The following CRMP1 variants were observed in gnomAD, a reference collection of about 807,000 sequenced individuals.
CRMP1 encodes dihydropyrimidinase-related protein 1.
In CRMP1, 19 loss-of-function variants were observed where a neutral mutation model predicts 68.3. That is an observed-to-expected ratio of 0.28 (90% CI 0.19 to 0.41). The LOEUF is 0.41. CRMP1 is among the 10% of genes least tolerant of loss of function. The pLI is 1.00. For missense variants in CRMP1, 791 were observed against 967.4 expected (o/e 0.82, Z 2.42); for synonymous variants, 439 against 399.6 (o/e 1.10, Z -1.18).
At chr4:5,824,955 A>G in intron 13 of CRMP1, 1 of 985,432 alleles carries the variant, frequency 1.0e-6, no homozygotes, top group Non-Finnish European at 1.2e-6. Context: ...GTTGAGCACC[A>G]AGTCCTGGTA....
Position 5,883,711 on chromosome 4 carries a change from C to T in CRMP1, c.381+8878G>A, listed in dbSNP as rs527681552. On this transcript the variant is annotated intron_variant, in intron 1 of 13. Coordinates refer to ENST00000324989, the MANE Select transcript of CRMP1 (RefSeq NM_001014809.3). The surrounding 1 kb of genome is among the most constrained non-coding windows in gnomAD (Gnocchi z 4.5). ...GCCCACCACACCTGCTGGTTAGCTA[C>T]CATTCTGAATTTTCATTTCCTCAAA... 2.6e-4 allele frequency among the ~76,000 whole-genome samples: 40 copies of T among 151,648 alleles called. 1 individual carries two copies. Among genetic ancestry groups the T allele is most frequent in the Admixed American group, 4.6e-4 (7 of 15,270 alleles).
chr4:5,892,890 G>C lies in CRMP1; in HGVS notation c.80C>G (p.Thr27Ser), dbSNP rs745500762. The stretch of plus-strand genomic sequence containing the variant: ...CATGCCGCCGTACTTCTGGCGCGGG[G>C]TCTGCGCCGCGCTGCCCGGCCGCGC... ...YLARPGSAAQ[T>S]PRQKYGGMFA... Residue 27 changes from threonine to serine, a missense_variant, in exon 1 of 14, where the codon ACC becomes AGC. By Grantham distance (58) the Thr-to-Ser change is moderately conservative (BLOSUM62 1). This residue lies in a region of CRMP1 where 193 missense variants were observed against 186.3 expected (regional missense o/e 1.04). Coordinates refer to ENST00000324989, the MANE Select transcript of CRMP1 (RefSeq NM_001014809.3). This position sits in a 1 kb window ranked among gnomAD's most constrained non-coding sequence, Gnocchi z 8.6. The C allele has an allele frequency of 3.6e-6, 5 of 1,402,062 alleles. No individual in the cohort carries two copies. Among genetic ancestry groups the C allele is most frequent in the Non-Finnish European group, 4.7e-6 (5 of 1,070,630 alleles). The allele number at this position is 1,402,062 out of a possible 1,614,324, so 86.9% of individuals were successfully genotyped here.
intron 1 of CRMP1, chr4:5,887,673 G>A (rs1715689007): frequency 7.1e-6 from 7 of 985,574 alleles, no homozygotes; most frequent in Non-Finnish European, 8.4e-6. Flanking sequence ...TTTTAGCTGC[G>A]GGGAGGGGTG....
intron 12 of CRMP1, chr4:5,828,025 G>C: frequency 1.0e-6 from 1 of 984,968 alleles, no homozygotes; most frequent in Non-Finnish European, 1.2e-6. Context: ...AGAAAGGGCG[G>C]ATCTGAAGGA....
rs1051464943 is a variant in CRMP1, at chr4:5,872,624, T to C, written c.382-5868A>G. Among the ~76,000 whole-genome samples the C allele has an allele frequency of 2.6e-5, 4 of 151,828 alleles. No individual in the cohort carries two copies. The highest frequency in any genetic ancestry group is 5.9e-5 in the Non-Finnish European group (4 of 67,962). ...ATCACTTGAACCCAGGAGGCGGAGG[T>C]TGCAGTGAGCTGAGATCGCACCGCT... is the stretch of plus-strand genomic sequence containing the variant. On this transcript the variant is annotated intron_variant, in intron 1 of 13. Transcript: ENST00000324989. The surrounding 1 kb of genome is among the most constrained non-coding windows in gnomAD (Gnocchi z 4.6).
At chr4:5,827,733 G>GCACACACACACACACACACA (rs141887967) in intron 12 of CRMP1, among the ~76,000 whole-genome samples, 79 of 138,330 alleles carry the variant, frequency 5.7e-4, no homozygotes, top group Middle Eastern at 3.4e-3. Flanking sequence ...ATGTGCGCGT[G>GCACACACACACACACACACA]CACACACACA....
intron 1 of CRMP1, among the ~76,000 whole-genome samples, chr4:5,884,609 G>C (rs541311003): frequency 5.3e-5 from 8 of 152,154 alleles, no homozygotes; most frequent in Admixed American, 4.6e-4. Flanking sequence ...GAATCTCTCT[G>C]AGCCTCAGTT....
intron 1 of CRMP1, among the ~76,000 whole-genome samples, chr4:5,873,184 T>C (rs965644613): frequency 2.0e-5 from 3 of 152,120 alleles, no homozygotes; most frequent in African/African-American, 4.8e-5. Context: ...TTGCTGCCAG[T>C]GTGGGAAATG....
In CRMP1 at chr4:5,860,462, G is replaced by A. The variant is rs546208632; in HGVS notation, c.655+564C>T. On this transcript the variant is annotated intron_variant, in intron 3 of 13. Transcript: ENST00000324989. This position sits in a 1 kb window ranked among gnomAD's most constrained non-coding sequence, Gnocchi z 4.2. ...TTAAGATTTGGGGGCTGTTTGTTAC[G>A]CGGTGTTATCACAGTATTACTGCAG... Among the ~76,000 whole-genome samples, 64 of 152,212 alleles carry A rather than the reference G, an allele frequency of 4.2e-4. No individual in the cohort carries two copies. In the East Asian group the frequency reaches 8.7e-3, roughly 21 times the overall value.
At chr4:5,824,841 C>A in intron 13 of CRMP1, 1 of 985,376 alleles carries the variant, frequency 1.0e-6, no homozygotes. Flanking sequence ...GTGTGCGTGC[C>A]TGCCCTCATG....
chr4:5,886,092 G>C (rs1327668375), intron 1 of CRMP1, among the ~76,000 whole-genome samples: 11 of 152,168 alleles, frequency 7.2e-5, no homozygotes, highest in Admixed American at 1.3e-4. Flanking sequence ...ATTTGCTGAA[G>C]GTTTTGATTT....
chr4:5,845,795 A>G (rs1712149377), intron 6 of CRMP1, among the ~76,000 whole-genome samples: 2 of 152,242 alleles, frequency 1.3e-5, no homozygotes, highest in African/African-American at 2.4e-5. Flanking sequence ...ATGAATTCCC[A>G]AACAGCAATT....
In CRMP1 at chr4:5,892,933, C is replaced by T; in HGVS notation, c.37G>A (p.Asp13Asn). The change falls in exon 1 of 14, where the codon GAC becomes AAC. Residue 13 changes from aspartate (D) to asparagine (N), a missense_variant. Physicochemically the swap from Asp to Asn is conservative, Grantham distance 23. This residue lies in a region of CRMP1 where 193 missense variants were observed against 186.3 expected (regional missense o/e 1.04). Transcript: ENST00000324989. The surrounding 1 kb of genome is among the most constrained non-coding windows in gnomAD (Gnocchi z 8.6). ...DRRRAWNTED[D>N]LPVYLARPGS... is the part of the protein sequence containing the mutation. ...GGCCGCGCCAGGTACACGGGCAGGT[C>T]GTCCTCGGTGTTCCACGCGCGCCGC... 7.8e-7 allele frequency: 1 copy of T among 1,290,068 alleles called. No homozygotes were observed. The highest frequency in any genetic ancestry group is 9.9e-7 in the Non-Finnish European group (1 of 1,015,068). The allele number at this position is 1,290,068 out of a possible 1,614,324, so 79.9% of individuals were successfully genotyped here.
chr4:5,866,735 C>G lies in CRMP1; in HGVS notation c.403G>C (p.Gly135Arg), dbSNP rs1714027956. The G allele has an allele frequency of 6.2e-7, 1 of 1,612,444 alleles. No homozygotes were observed. The highest frequency in any genetic ancestry group is 8.5e-7 in the Non-Finnish European group (1 of 1,179,460). The change falls in exon 2 of 14, where the codon GGT (glycine) becomes CGT (arginine). Residue 135 changes from glycine (G) to arginine (R), a missense_variant. Physicochemically the swap from Gly to Arg is moderately radical, Grantham distance 125. Coordinates refer to ENST00000324989, the MANE Select transcript of CRMP1 (RefSeq NM_001014809.3). This position sits in a 1 kb window ranked among gnomAD's most constrained non-coding sequence, Gnocchi z 5.9. ...NGQSDRLLIK[G>R]GRIINDDQSL... ...TGGTCATCGTTGATGATCCGTCCAC[C>G]TTTGATGAGGAGTCGGTCACTCTGC...
chr4:5,846,313 A>T (rs958371711), intron 6 of CRMP1, among the ~76,000 whole-genome samples: 4 of 152,196 alleles, frequency 2.6e-5, no homozygotes, highest in African/African-American at 7.2e-5. Context: ...TTTAAAAAAA[A>T]TTTTTTTGAA....
intron 13 of CRMP1, among the ~76,000 whole-genome samples, chr4:5,822,290 G>A (rs1209445105): frequency 6.6e-6 from 1 of 152,210 alleles, no homozygotes; most frequent in Admixed American, 6.5e-5. Flanking sequence ...CGGGACACAG[G>A]TGTTGGGTGG....
intron 4 of CRMP1, 21 bp from the exon 5 acceptor site, chr4:5,851,490 T>C (rs41264685): frequency 0.019 from 29,870 of 1,609,004 alleles, 384 homozygotes; most frequent in South Asian, 0.041. Context: ...ATAGAAAGGA[T>C]AGAAAAATAT....
chr4:5,880,685 A>G lies in CRMP1; in HGVS notation c.381+11904T>C, dbSNP rs557091343. On this transcript the variant is annotated intron_variant, in intron 1 of 13. Transcript: ENST00000324989. ...GCCCTCTCCCCATTGTCAAAGCACCACTTCAGGGGCCCCCACACCTTCTTT... is the reference window on the plus strand; with the variant it reads ...GCCCTCTCCCCATTGTCAAAGCACCGCTTCAGGGGCCCCCACACCTTCTTT... Among the ~76,000 whole-genome samples the G allele has an allele frequency of 2.0e-3, 298 of 152,306 alleles. 1 individual carries two copies. Among genetic ancestry groups the G allele is most frequent in the African/African-American group, 6.9e-3 (288 of 41,568 alleles).
At chr4:5,836,938 C>T (rs1720766508) in intron 9 of CRMP1, 32 bp from the exon 10 acceptor site, 1 of 1,566,184 alleles carries the variant, frequency 6.4e-7, no homozygotes, top group East Asian at 2.3e-5. Context: ...AGAGTTCAGA[C>T]CCTAGTTCAT....
Sources: allele counts gnomAD v4.1 joint callset (sites outside exome capture counted in the v4.1 genomes callset), GRCh38; gene constraint gnomAD v4.1.1; regional missense constraint gnomAD v4.1.1; non-coding constraint Gnocchi (gnomAD v3.1); transcripts MANE v1.5; gene names NCBI Gene and HGNC (gene_info 2026-07-23, HGNC 2026-07-21).